Variants in EIF2AK1 observed in about 807,000 individuals in gnomAD.
EIF2AK1 encodes eukaryotic translation initiation factor 2 alpha kinase 1.
A neutral mutation model predicts 77.9 loss-of-function variants in EIF2AK1; 54 were observed. That is an observed-to-expected ratio of 0.69 (90% CI 0.56 to 0.87). The LOEUF is 0.87. Among genes scored for constraint, EIF2AK1 ranks in the 40% least tolerant of loss-of-function variants. EIF2AK1 has a pLI of 0.00. For missense variants in EIF2AK1, 810 were observed against 768.6 expected (o/e 1.05, Z -0.64); for synonymous variants, 314 against 290.5 (o/e 1.08, Z -0.82).
In EIF2AK1 at chr7:6,058,899, C is replaced by T. The variant is rs1788871960; in HGVS notation, c.118+67G>A. ...GTCCTCAGGCAAACCTCAGGGCTGC[C>T]TTTGCCGCCCAGAAACGCAGGTGGA... On this transcript the variant is annotated intron_variant, in intron 1 of 14. Transcript: ENST00000199389. 5.7e-6 allele frequency: 8 copies of T among 1,393,178 alleles called. No homozygotes were observed. In the South Asian group the frequency reaches 1.1e-4, roughly 19 times the overall value. The allele number at this position is 1,393,178 out of a possible 1,614,324, so 86.3% of individuals were successfully genotyped here. A position where few individuals can be genotyped will look rare whatever the true frequency, so the allele number is the denominator to read the frequency against.
At position 6,023,075 on chromosome 7, in the gene EIF2AK1, C is replaced by G. The variant is rs1239645785; in HGVS notation, c.*1598G>C. ...CTTCTAGCTTCAGAAGTGTCATAAT[C>G]AAATACCAGGAATGACTCTTTGGTT... On this transcript the variant is annotated 3_prime_UTR_variant, in exon 15 of 15. Transcript: ENST00000199389. 1.9e-6 allele frequency: 1 copy of G among 526,518 alleles called. No homozygotes were observed. The highest frequency in any genetic ancestry group is 3.2e-6 in the Non-Finnish European group (1 of 307,714). 32.6% of individuals were successfully genotyped at this position (526,518 alleles called of 1,614,324 possible).
chr7:6,059,171 G>T lies in EIF2AK1; in HGVS notation c.-88C>A. On this transcript the variant is annotated 5_prime_UTR_variant, in exon 1 of 15. Transcript: ENST00000199389. ...GCTGCAGCTAGCGCCGTCCGACCCG[G>T]AAGTAACCCCTCACCAGACGGAAAA... 1 of 893,414 alleles carries T rather than the reference G, an allele frequency of 1.1e-6. No homozygotes were observed. The highest frequency in any genetic ancestry group is 1.5e-6 in the Non-Finnish European group (1 of 650,726). 55.3% of individuals were successfully genotyped at this position (893,414 alleles called of 1,614,324 possible).
At chr7:6,028,581 G>A (rs777899865) in intron 13 of EIF2AK1, 34 bp downstream of exon 13, 4 of 1,600,682 alleles carry the variant, frequency 2.5e-6, no homozygotes, top group Non-Finnish European at 3.4e-6. Context: ...TGCAGAATAA[G>A]TTGAATGAAA....
Position 6,023,380 on chromosome 7 carries a change from TTCTC to T in EIF2AK1, c.*1289_*1292del, listed in dbSNP as rs760123492. ...CGAAGGGAACATTGCACGTTTCTTG[TTCTC>T]TCTGTTTGGCCAGAAGCATAATGCT... On this transcript the variant is annotated 3_prime_UTR_variant, in exon 15 of 15. Coordinates refer to ENST00000199389, the MANE Select transcript of EIF2AK1 (RefSeq NM_014413.4). 1.2e-5 allele frequency: 20 copies of T among 1,614,056 alleles called. No homozygotes were observed. The African/African-American group carries it at 1.5e-4, about 12-fold the overall frequency.
rs1285768467 is a variant in EIF2AK1 at position 6,029,042 on chromosome 7, A to C, written c.1333-10T>G. ...GAAAAATATTTCTTGGCTATCAACAAACAAAACAAGTCAACTCCTTGGCTT... is the reference window on the plus strand; with the variant it reads ...GAAAAATATTTCTTGGCTATCAACACACAAAACAAGTCAACTCCTTGGCTT... On this transcript the variant is annotated splice_polypyrimidine_tract_variant and intron_variant, in intron 11 of 14. Transcript: ENST00000199389. 1 of 1,595,718 alleles carries C rather than the reference A, an allele frequency of 6.3e-7. No homozygotes were observed.
intron 1 of EIF2AK1, among the ~76,000 whole-genome samples, chr7:6,056,613 A>AAAAAAAAC: frequency 2.3e-5 from 1 of 43,730 alleles, no homozygotes; most frequent in African/African-American, 8.2e-5. Flanking sequence ...AAAAAAAAAA[A>AAAAAAAAC]ATATATATAT....
chr7:6,053,792 C>A (rs933534769), intron 2 of EIF2AK1, among the ~76,000 whole-genome samples: 1 of 151,546 alleles, frequency 6.6e-6, no homozygotes, highest in Admixed American at 6.6e-5. Flanking sequence ...CTCAGCCTCC[C>A]AAGTAGCTGA....
At chr7:6,028,856 C>A in intron 12 of EIF2AK1, 62 bp downstream of exon 12, 1 of 1,469,126 alleles carries the variant, frequency 6.8e-7, no homozygotes, top group South Asian at 1.2e-5. Context: ...TCTTTAAATA[C>A]TAACATGTGC....
Position 6,059,098 on chromosome 7 carries a change from G to T in EIF2AK1, c.-15C>A, listed in dbSNP as rs768655618. The stretch of plus-strand genomic sequence containing the variant: ...CCCCCCTGCATCGCCGGCCGCGCGC[G>T]GGCCGCAGCCCAGCCCGCCGGCCAG... On this transcript the variant is annotated 5_prime_UTR_variant, in exon 1 of 15. Transcript: ENST00000199389. 9.5e-6 allele frequency: 13 copies of T among 1,368,630 alleles called. No homozygotes were observed. The highest frequency in any genetic ancestry group is 1.2e-5 in the Non-Finnish European group (13 of 1,066,290). The allele number at this position is 1,368,630 out of a possible 1,614,324, so 84.8% of individuals were successfully genotyped here.
intron 4 of EIF2AK1, 24 bp downstream of exon 4, chr7:6,048,783 A>C: frequency 6.4e-7 from 1 of 1,555,126 alleles, no homozygotes; most frequent in Non-Finnish European, 8.7e-7. Flanking sequence ...AGTCTGCATA[A>C]TCAAGAAAGT....
Position 6,059,031 on chromosome 7 carries a change from G to A in EIF2AK1, c.53C>T (p.Ala18Val). 6.6e-7 allele frequency: 1 copy of A among 1,521,354 alleles called. No individual in the cohort carries two copies. The highest frequency in any genetic ancestry group is 1.2e-5 in the South Asian group (1 of 80,566). 94.2% of individuals were successfully genotyped at this position (1,521,354 alleles called of 1,614,324 possible). A position where few individuals can be genotyped will look rare whatever the true frequency, so the allele number is the denominator to read the frequency against. The change falls in exon 1 of 15, where the codon GCT becomes GTT. Residue 18 changes from alanine to valine, a missense_variant. Physicochemically the swap from Ala to Val is moderately conservative, Grantham distance 64. Coordinates refer to ENST00000199389, the MANE Select transcript of EIF2AK1 (RefSeq NM_014413.4). Reference protein sequence around the residue: ...VRKREEEGDGAGAVAAPPAID... With the variant: ...VRKREEEGDGVGAVAAPPAID... Reference sequence around the variant, plus strand: ...GGCCGGCGGCGCAGCCACAGCCCCAGCCCCGTCGCCCTCCTCTTCGCGCTT... The same window carrying A: ...GGCCGGCGGCGCAGCCACAGCCCCAACCCCGTCGCCCTCCTCTTCGCGCTT...
At position 6,032,687 on chromosome 7, in the gene EIF2AK1, A is replaced by G. The variant is rs1395837131; in HGVS notation, c.1333-3655T>C. Among the ~76,000 whole-genome samples the G allele has an allele frequency of 6.6e-6, 1 of 152,276 alleles. No homozygotes were observed. The highest frequency in any genetic ancestry group is 1.5e-5 in the Non-Finnish European group (1 of 68,050). On this transcript the variant is annotated intron_variant, in intron 11 of 14. Coordinates refer to ENST00000199389, the MANE Select transcript of EIF2AK1 (RefSeq NM_014413.4). The surrounding 1 kb of genome is among the most constrained non-coding windows in gnomAD (Gnocchi z 4.3). ...TGAATTTTGATCATTTAAAACAGGTAGTAGAAAGGAAACTTTCAATGCACA... is the reference window on the plus strand; with the variant it reads ...TGAATTTTGATCATTTAAAACAGGTGGTAGAAAGGAAACTTTCAATGCACA...
Position 6,044,631 on chromosome 7 carries a change from G to A in EIF2AK1, c.661C>T (p.Leu221Phe). ...TAGCCAACAATATTGGGGTGCTGAA[G>A]ACCTGCCAGCACCTTCACTTCCCGT... Reference protein sequence around the residue: ...VLREVKVLAGLQHPNIVGYHT... With the variant: ...VLREVKVLAGFQHPNIVGYHT... The change falls in exon 7 of 15, where the codon CTT (leucine) becomes TTT (phenylalanine). Residue 221 changes from leucine to phenylalanine, a missense_variant. By Grantham distance (22) the Leu-to-Phe change is conservative (BLOSUM62 0). Around this residue, in one of 3 missense-constraint regions of EIF2AK1, gnomAD observed 549 missense variants for 533.7 expected, o/e 1.03. Coordinates refer to ENST00000199389, the MANE Select transcript of EIF2AK1 (RefSeq NM_014413.4). The A allele has an allele frequency of 6.2e-7, 1 of 1,614,056 alleles. No individual in the cohort carries two copies. The highest frequency in any genetic ancestry group is 8.5e-7 in the Non-Finnish European group (1 of 1,179,970).
intron 11 of EIF2AK1, among the ~76,000 whole-genome samples, chr7:6,030,457 T>G (rs574874476): frequency 6.6e-6 from 1 of 152,180 alleles, no homozygotes; most frequent in Non-Finnish European, 1.5e-5. Context: ...CTAAGTTCAC[T>G]CTTTGGGTTT....
At chr7:6,042,815 A>C in intron 8 of EIF2AK1, 118 bp downstream of exon 8, 2 of 777,440 alleles carry the variant, frequency 2.6e-6, no homozygotes. Context: ...GCAGTGAGCC[A>C]AGATTGTGCC....
chr7:6,056,598 G>GAAAAAAAAAAAAAAAAAAAAAAAA (rs1181376161), intron 1 of EIF2AK1, among the ~76,000 whole-genome samples: 1 of 48,814 alleles, frequency 2.0e-5, no homozygotes, highest in Non-Finnish European at 4.0e-5. Context: ...CATCTCAAGG[G>GAAAAAAAAAAAAAAAAAAAAAAAA]AAAAAAAAAA....
At chr7:6,051,516 G>A (rs559285416) in intron 2 of EIF2AK1, among the ~76,000 whole-genome samples, 3 of 151,956 alleles carry the variant, frequency 2.0e-5, no homozygotes, top group South Asian at 2.1e-4. Flanking sequence ...TGCAACCTCC[G>A]CCTCCTGGAT....
chr7:6,037,549 A>G, intron 10 of EIF2AK1, 25 bp from the exon 11 acceptor site: 1 of 1,465,072 alleles, frequency 6.8e-7, no homozygotes, highest in Non-Finnish European at 9.5e-7. Flanking sequence ...AAATAGTTTT[A>G]TTTCTCTAAT....
Position 6,035,749 on chromosome 7 carries a change from T to C in EIF2AK1, c.1332+1675A>G. On this transcript the variant is annotated intron_variant, in intron 11 of 14. Coordinates refer to ENST00000199389, the MANE Select transcript of EIF2AK1 (RefSeq NM_014413.4). The surrounding 1 kb of genome is among the most constrained non-coding windows in gnomAD (Gnocchi z 5.5). ...GAAGCCAGCATGACACCCCTTCACA[T>C]GGCCGCAAACATGCTGAATAAGGAG... 7 of 1,551,078 alleles carry C rather than the reference T, an allele frequency of 4.5e-6. No individual in the cohort carries two copies. Among genetic ancestry groups the C allele is most frequent in the Non-Finnish European group, 6.1e-6 (7 of 1,147,106 alleles).
Sources: allele counts gnomAD v4.1 joint callset (sites outside exome capture counted in the v4.1 genomes callset), GRCh38; gene constraint gnomAD v4.1.1; regional missense constraint gnomAD v4.1.1; non-coding constraint Gnocchi (gnomAD v3.1); transcripts MANE v1.5; gene names NCBI Gene and HGNC (gene_info 2026-07-23, HGNC 2026-07-21).